The following ZNF354A variants were observed in gnomAD, a reference collection of about 807,000 sequenced individuals.
The protein encoded by ZNF354A is zinc finger protein 354A, also known as epididymis luminal protein 104.
A neutral mutation model predicts 53.3 loss-of-function variants in ZNF354A; 25 were observed. The observed-to-expected ratio is 0.47, with a 90% confidence interval of 0.34 to 0.66. The LOEUF (loss-of-function observed/expected upper bound fraction) is 0.66. Ranked by LOEUF, ZNF354A falls within the 30% of genes least tolerant of loss-of-function variation. The pLI is 0.01. For synonymous variants in ZNF354A, 228 were observed against 249.0 expected, an observed-to-expected ratio of 0.92 and a Z score of 0.79; for missense variants, 586 against 716.8, an observed-to-expected ratio of 0.82 and a Z score of 2.08.
Position 178,725,360 on chromosome 5 carries a change from C to T in ZNF354A, c.256+16G>A, listed in dbSNP as rs372229449. 6.8e-6 allele frequency: 11 copies of T among 1,612,094 alleles called. No individual in the cohort carries two copies. The East Asian group carries it at 1.1e-4, about 16-fold the overall frequency. On this transcript the variant is annotated intron_variant, in intron 4 of 4. Coordinates refer to ENST00000335815, the MANE Select transcript of ZNF354A (RefSeq NM_005649.3). ...CATTGTCTGCGGCCATTCCGCACCT[C>T]GGGCCACCCACTTACCTAGAGAGGA...
chr5:178,720,812 A>G (rs533123970), intron 4 of ZNF354A, among the ~76,000 whole-genome samples: 12 of 152,326 alleles, frequency 7.9e-5, no homozygotes, highest in African/African-American at 2.9e-4. Flanking sequence ...CGCTCTTAGC[A>G]CATCCATCAA....
At chr5:178,720,292 G>A (rs984827045) in intron 4 of ZNF354A, among the ~76,000 whole-genome samples, 16 of 152,162 alleles carry the variant, frequency 1.1e-4, no homozygotes, top group Admixed American at 5.9e-4. Context: ...AAAGAGAGAC[G>A]TAGAAGTCCT....
Position 178,713,387 on chromosome 5 carries a change from A to G in ZNF354A, c.491T>C (p.Leu164Ser). Reference protein sequence around the residue: ...TIERSHKNTELSQNFSPKSVL... With the variant: ...TIERSHKNTESSQNFSPKSVL... ...TGACTTTGGGCTGAAGTTTTGGCTC[A>G]ATTCAGTATTTTTATGGCTTCTTTC... Residue 164 changes from leucine (L) to serine (S), a missense_variant, in exon 5 of 5, where the codon TTG (leucine) becomes TCG (serine). By Grantham distance (145) the Leu-to-Ser change is moderately radical. Transcript: ENST00000335815. The G allele has an allele frequency of 6.2e-7, 1 of 1,614,004 alleles. No homozygotes were observed. The highest frequency in any genetic ancestry group is 8.5e-7 in the Non-Finnish European group (1 of 1,179,998).
chr5:178,716,896 C>T (rs773537149), intron 4 of ZNF354A, among the ~76,000 whole-genome samples: 11 of 151,812 alleles, frequency 7.2e-5, no homozygotes, highest in Admixed American at 7.2e-4. Flanking sequence ...CTGGCCAACA[C>T]GGTGAAATCT....
chr5:178,727,252 A>G, intron 2 of ZNF354A, 127 bp from the exon 3 acceptor site: 1 of 1,117,108 alleles, frequency 9.0e-7, no homozygotes, highest in Non-Finnish European at 1.2e-6. Context: ...GTTCCAGATC[A>G]TTCGTTTAAT....
rs1035131026 is a variant in ZNF354A at position 178,711,896 on chromosome 5, C to G, written c.*164G>C. 4 of 752,712 alleles carry G rather than the reference C, an allele frequency of 5.3e-6. No homozygotes were observed. Among genetic ancestry groups the G allele is most frequent in the Admixed American group, 7.4e-5 (2 of 26,936 alleles). The allele number at this position is 752,712 out of a possible 1,614,324, so 46.6% of individuals were successfully genotyped here. The stretch of plus-strand genomic sequence containing the variant: ...GTGTCTGACAGGCACAAACACTTTC[C>G]TCATATCTATTATATAGCTGAGGTT... On this transcript the variant is annotated 3_prime_UTR_variant, in exon 5 of 5. Coordinates refer to ENST00000335815, the MANE Select transcript of ZNF354A (RefSeq NM_005649.3).
rs1205438292 is a variant in ZNF354A at position 178,713,476 on chromosome 5, T to C, written c.402A>G (p.Lys134=). ...GAAAACTTCCCTTTTTATCCTGCTT[T>C]TTCTCTAATCTGCCTTCATATATGT... ...KPYIYEGRLE[K]KQDKKGSFQI... Residue 134 remains lysine (K), a synonymous_variant, in exon 5 of 5, where the codon AAA becomes AAG. Coordinates refer to ENST00000335815, the MANE Select transcript of ZNF354A (RefSeq NM_005649.3). 2 of 1,613,944 alleles carry C rather than the reference T, an allele frequency of 1.2e-6. No individual in the cohort carries two copies. Among genetic ancestry groups the C allele is most frequent in the South Asian group, 2.2e-5 (2 of 91,038 alleles).
At chr5:178,722,473 G>C (rs1765828976) in intron 4 of ZNF354A, among the ~76,000 whole-genome samples, 1 of 152,136 alleles carries the variant, frequency 6.6e-6, no homozygotes, top group African/African-American at 2.4e-5. Flanking sequence ...GAACAAACCA[G>C]AAACCAAGCA....
chr5:178,721,619 C>G (rs1043496718), intron 4 of ZNF354A, among the ~76,000 whole-genome samples: 2 of 152,184 alleles, frequency 1.3e-5, no homozygotes, highest in Non-Finnish European at 2.9e-5. Context: ...CCTCCTCATT[C>G]CACTTTACAG....
chr5:178,723,996 T>G (rs536635518), intron 4 of ZNF354A, among the ~76,000 whole-genome samples: 1 of 152,078 alleles, frequency 6.6e-6, no homozygotes, highest in Non-Finnish European at 1.5e-5. Context: ...ATGGGCTCCC[T>G]GACCTCCCTT....
chr5:178,712,414 A>G lies in ZNF354A; in HGVS notation c.1464T>C (p.His488=), dbSNP rs1321482742. Residue 488 remains histidine, a synonymous_variant, in exon 5 of 5, where the codon CAT becomes CAC. Transcript: ENST00000335815. The part of the protein sequence containing the change: ...SSALIQHQRM[H]TGERPYKCNE... ...TACATTTATAGGGTCTTTCTCCAGT[A>G]TGCATTCTCTGATGTTGAATGAGAG... 2.5e-6 allele frequency: 4 copies of G among 1,613,882 alleles called. No individual in the cohort carries two copies. The highest frequency in any genetic ancestry group is 3.4e-6 in the Non-Finnish European group (4 of 1,179,814).
intron 4 of ZNF354A, among the ~76,000 whole-genome samples, chr5:178,716,626 A>G (rs982756625): frequency 2.0e-5 from 3 of 152,136 alleles, no homozygotes; most frequent in Non-Finnish European, 4.4e-5. Flanking sequence ...GGGACAAATA[A>G]CAAGTACGTA....
At chr5:178,725,609 G>T (rs777707216) in intron 3 of ZNF354A, 138 bp from the exon 4 acceptor site, 31 of 777,056 alleles carry the variant, frequency 4.0e-5, no homozygotes, top group Non-Finnish European at 6.2e-5. Flanking sequence ...CCCCTGGGAG[G>T]TAAGGGGGTA....
intron 4 of ZNF354A, among the ~76,000 whole-genome samples, chr5:178,714,765 T>A (rs1765684199): frequency 6.6e-6 from 1 of 152,000 alleles, no homozygotes; most frequent in Non-Finnish European, 1.5e-5. Context: ...ACATACTTCA[T>A]ATATATACAA....
At chr5:178,717,491 G>A (rs757878436) in intron 4 of ZNF354A, among the ~76,000 whole-genome samples, 4 of 151,860 alleles carry the variant, frequency 2.6e-5, no homozygotes, top group Non-Finnish European at 4.4e-5. Flanking sequence ...CCACCAAGAA[G>A]GGAAAGACCA....
rs1344412927 is a variant in ZNF354A at position 178,727,126 on chromosome 5, C to A, written c.34-1G>T. The A allele has an allele frequency of 3.7e-6, 6 of 1,612,372 alleles. No homozygotes were observed. The African/African-American group carries it at 8.0e-5, about 22-fold the overall frequency. On this transcript the variant is annotated splice_acceptor_variant, in intron 2 of 4. Coordinates refer to ENST00000335815, the MANE Select transcript of ZNF354A (RefSeq NM_005649.3). LOFTEE classifies it high-confidence loss of function. The stretch of plus-strand genomic sequence containing the variant: ...CCACATCCTCAAACGTCAGTGACAC[C>A]TGTAAGGACAAGTCGTTCCAGCTCA...
rs1019737574 is a variant in ZNF354A, at chr5:178,730,598, G to A, written c.-94C>T. On this transcript the variant is annotated 5_prime_UTR_variant, in exon 1 of 5. Transcript: ENST00000335815. Reference sequence around the variant, plus strand: ...TCCCGGGCCGCGCCTCCCCAGCCGCGAGGCTCCGGAACCGCCGGCCGGGAT... The same window carrying A: ...TCCCGGGCCGCGCCTCCCCAGCCGCAAGGCTCCGGAACCGCCGGCCGGGAT... 4 of 152,004 alleles carry A rather than the reference G, an allele frequency of 2.6e-5. No individual in the cohort carries two copies. The highest frequency in any genetic ancestry group is 2.1e-4 in the South Asian group (1 of 4,826). 9.4% of individuals were successfully genotyped at this position (152,004 alleles called of 1,614,324 possible). A position where few individuals can be genotyped will look rare whatever the true frequency, so the allele number is the denominator to read the frequency against.
chr5:178,713,165 CCA>C lies in ZNF354A; in HGVS notation c.711_712del (p.Ser237ArgfsTer6). On this transcript the variant is annotated frameshift_variant, in exon 5 of 5. Transcript: ENST00000335815. LOFTEE classifies it high-confidence loss of function. Reference sequence around the variant, plus strand: ...TTCTTTACACTTAAATAGTTTCTCTCCACTATGGTTTTTCTCATGTTTACGAA... The same window carrying C: ...TTCTTTACACTTAAATAGTTTCTCTCCTATGGTTTTTCTCATGTTTACGAA... The C allele has an allele frequency of 6.2e-7, 1 of 1,614,136 alleles. No individual in the cohort carries two copies. The highest frequency in any genetic ancestry group is 8.5e-7 in the Non-Finnish European group (1 of 1,180,026).
rs1201114126 is a variant in ZNF354A, at chr5:178,711,759, G to A, written c.*301C>T. On this transcript the variant is annotated 3_prime_UTR_variant, in exon 5 of 5. Coordinates refer to ENST00000335815, the MANE Select transcript of ZNF354A (RefSeq NM_005649.3). ...TCGGATATCTGTTTCTGATGATCACGTGACATCTAGCATATACGTCTGTAG... is the reference window on the plus strand; with the variant it reads ...TCGGATATCTGTTTCTGATGATCACATGACATCTAGCATATACGTCTGTAG... 2.3e-5 allele frequency: 5 copies of A among 221,836 alleles called. No homozygotes were observed. Among genetic ancestry groups the A allele is most frequent in the Admixed American group, 5.1e-5 (1 of 19,752 alleles). 13.7% of individuals were successfully genotyped at this position (221,836 alleles called of 1,614,324 possible).
Sources: gnomAD v4.1 joint callset for allele counts (sites outside exome capture counted in the v4.1 genomes callset) on GRCh38, gnomAD v4.1.1 for gene constraint, MANE v1.5 for transcripts, NCBI Gene and HGNC (gene_info 2026-07-23, HGNC 2026-07-21) for gene names.